NCKAP5: variants seen among roughly 807,000 people sequenced by gnomAD.
NCKAP5 encodes nck-associated protein 5.
In NCKAP5, 92 loss-of-function variants were observed where a neutral mutation model predicts 167.0. That is an observed-to-expected ratio of 0.55 (90% CI 0.47 to 0.66). NCKAP5 has a LOEUF of 0.66. NCKAP5 is among the 30% of genes least tolerant of loss of function. The probability of loss-of-function intolerance (pLI) is 0.00; values close to 1 mark genes in which losing one functional copy is unlikely to be tolerated. For synonymous variants in NCKAP5, 891 were observed against 877.4 expected (o/e 1.02, Z -0.27); for missense variants, 2,378 against 2,315.0 (o/e 1.03, Z -0.56).
intron 5 of NCKAP5, among the ~76,000 whole-genome samples, chr2:133,204,884 G>C (rs2085874196): frequency 6.6e-6 from 1 of 152,198 alleles, no homozygotes; most frequent in Admixed American, 6.5e-5. Flanking sequence ...TATTGGTCAT[G>C]ACACTTTCCT....
chr2:132,723,364 G>A (rs62176985), intron 19 of NCKAP5, among the ~76,000 whole-genome samples: 176 of 151,676 alleles, frequency 1.2e-3, no homozygotes, highest in East Asian at 2.2e-3. Context: ...GGGTTTCACC[G>A]TGTTAGCCTG....
chr2:133,172,483 T>C (rs1167177006), intron 5 of NCKAP5, among the ~76,000 whole-genome samples: 1 of 152,244 alleles, frequency 6.6e-6, no homozygotes, highest in African/African-American at 2.4e-5. Flanking sequence ...TCATATCTGT[T>C]TTTTTGAGAC....
At chr2:133,661,104 A>T in the NCKAP5 span, among the ~76,000 whole-genome samples, 1 of 152,106 alleles carries the variant, frequency 6.6e-6, no homozygotes, top group Non-Finnish European at 1.5e-5. Flanking sequence ...GCACTTGGGG[A>T]TATCCTCTTG....
chr2:132,984,925 G>T (rs1203709195), intron 7 of NCKAP5, among the ~76,000 whole-genome samples: 1 of 148,908 alleles, frequency 6.7e-6, no homozygotes, highest in Admixed American at 6.8e-5. Flanking sequence ...AATGCCCCAA[G>T]TATTTGCTCA....
At chr2:133,638,024 T>G in the NCKAP5 span, among the ~76,000 whole-genome samples, 1 of 152,110 alleles carries the variant, frequency 6.6e-6, no homozygotes, top group African/African-American at 2.4e-5. Flanking sequence ...GCAAAGAAAT[T>G]AAGATTCCGA....
chr2:132,805,368 G>A (rs1330137504), intron 11 of NCKAP5, among the ~76,000 whole-genome samples: 1 of 152,098 alleles, frequency 6.6e-6, no homozygotes, highest in Non-Finnish European at 1.5e-5. Context: ...GGTTAATGAT[G>A]ATTTGTTATA....
intron 19 of NCKAP5, among the ~76,000 whole-genome samples, chr2:132,685,456 G>T (rs1355111132): frequency 6.6e-6 from 1 of 152,156 alleles, no homozygotes; most frequent in East Asian, 1.9e-4. Flanking sequence ...ACACACCTAA[G>T]CCCTTTACCC....
chr2:133,247,742 C>T (rs2088075252), intron 4 of NCKAP5, among the ~76,000 whole-genome samples: 1 of 152,350 alleles, frequency 6.6e-6, no homozygotes, highest in South Asian at 2.1e-4. Flanking sequence ...CTCAAGTGTA[C>T]ACTCACTTCC....
intron 4 of NCKAP5, among the ~76,000 whole-genome samples, chr2:133,285,607 G>A (rs1251494981): frequency 6.6e-6 from 1 of 152,178 alleles, no homozygotes; most frequent in Non-Finnish European, 1.5e-5. Context: ...GAAACCCTTA[G>A]CACACTATAT....
At chr2:133,664,927 T>C in the NCKAP5 span, among the ~76,000 whole-genome samples, 2 of 152,258 alleles carry the variant, frequency 1.3e-5, no homozygotes, top group Admixed American at 1.3e-4. Flanking sequence ...AGCTTCTTTC[T>C]TTAAACCTCA....
intron 15 of NCKAP5, among the ~76,000 whole-genome samples, chr2:132,780,161 TA>T (rs1361122797): frequency 2.6e-5 from 4 of 152,358 alleles, no homozygotes; most frequent in African/African-American, 9.6e-5. Flanking sequence ...ATTTTTTATT[TA>T]TTTTTTTGAG....
At chr2:133,192,236 A>C (rs2085257996) in intron 5 of NCKAP5, among the ~76,000 whole-genome samples, 1 of 152,126 alleles carries the variant, frequency 6.6e-6, no homozygotes, top group Non-Finnish European at 1.5e-5. Context: ...TTGGCCATCT[A>C]TAGGCAACAA....
At chr2:133,082,489 G>A (rs910830453) in intron 6 of NCKAP5, among the ~76,000 whole-genome samples, 1 of 152,110 alleles carries the variant, frequency 6.6e-6, no homozygotes, top group East Asian at 1.9e-4. Flanking sequence ...GTGGGTGGAA[G>A]GGGATGGAGA....
intron 9 of NCKAP5, among the ~76,000 whole-genome samples, chr2:132,873,376 G>C (rs1690992850): frequency 6.6e-6 from 1 of 152,164 alleles, no homozygotes; most frequent in Non-Finnish European, 1.5e-5. Context: ...GCCTCCCAAA[G>C]AGCTGGGATT....
At position 133,346,398 on chromosome 2, in the gene NCKAP5, G is replaced by A. The variant is rs919587227; in HGVS notation, c.70-43288C>T. ...GAAAGGATTTTCAGAGGATGAGAGG[G>A]GATGAGAAATTGGGCCACATACGAG... On this transcript the variant is annotated intron_variant, in intron 3 of 19. Coordinates refer to ENST00000409261, the MANE Select transcript of NCKAP5 (RefSeq NM_207363.3). Among the ~76,000 whole-genome samples the A allele has an allele frequency of 7.2e-5, 11 of 152,160 alleles. No homozygotes were observed. In the East Asian group the frequency reaches 1.9e-3, roughly 27 times the overall value.
intron 11 of NCKAP5, among the ~76,000 whole-genome samples, chr2:132,855,651 C>T (rs1352840941): frequency 6.6e-6 from 1 of 152,188 alleles, no homozygotes; most frequent in Non-Finnish European, 1.5e-5. Context: ...AGGCCAGAAT[C>T]GATCAGAATG....
the NCKAP5 span, among the ~76,000 whole-genome samples, chr2:133,661,750 C>A: frequency 6.6e-6 from 1 of 152,168 alleles, no homozygotes; most frequent in South Asian, 2.1e-4. Context: ...CATACCCAAG[C>A]CCTTTCCCCT....
At chr2:132,859,595 C>G (rs1208072458) in intron 11 of NCKAP5, among the ~76,000 whole-genome samples, 6 of 152,132 alleles carry the variant, frequency 3.9e-5, no homozygotes, top group African/African-American at 1.2e-4. Context: ...TAGTGCTGGA[C>G]AGTATCATCC....
chr2:132,677,388 C>T (rs1343177452), intron 19 of NCKAP5, among the ~76,000 whole-genome samples: 1 of 152,108 alleles, frequency 6.6e-6, no homozygotes, highest in Non-Finnish European at 1.5e-5. Context: ...GCATATTCTC[C>T]AGAAATCTCT....
Sources: allele counts gnomAD v4.1 joint callset (sites outside exome capture counted in the v4.1 genomes callset), GRCh38; gene constraint gnomAD v4.1.1; transcripts MANE v1.5; gene names NCBI Gene and HGNC (gene_info 2026-07-23, HGNC 2026-07-21).